The following RSPH14 variants were observed in gnomAD, a reference collection of about 807,000 sequenced individuals.
RSPH14 encodes rhabdoid tumor deletion region gene 1.
A neutral mutation model predicts 26.7 loss-of-function variants in RSPH14; 20 were observed. The ratio of observed to expected loss-of-function variants is 0.75; its 90% CI spans 0.53 to 1.09. The LOEUF (loss-of-function observed/expected upper bound fraction) is 1.09, where lower values mean the gene tolerates loss of function less well. Among genes scored for constraint, RSPH14 ranks in the 50% least tolerant of loss-of-function variants. The probability of loss-of-function intolerance (pLI) is 0.00; values close to 1 mark genes in which losing one functional copy is unlikely to be tolerated. For missense variants in RSPH14, 449 were observed against 457.2 expected (o/e 0.98, Z 0.16); for synonymous variants, 177 against 189.3 (o/e 0.93, Z 0.53).
the RSPH14 span, among the ~76,000 whole-genome samples, chr22:23,157,042 T>C: frequency 3.3e-5 from 5 of 152,122 alleles, no homozygotes; most frequent in Admixed American, 3.3e-4. Context: ...TAGAGAGCAT[T>C]TGCCTGGAAT....
At position 23,071,443 on chromosome 22, in the gene RSPH14, G is replaced by A. The variant is rs541606905; in HGVS notation, c.422-7310C>T. Among the ~76,000 whole-genome samples, 49 of 152,346 alleles carry A rather than the reference G, an allele frequency of 3.2e-4. No homozygotes were observed. The highest frequency in any genetic ancestry group is 2.9e-3 in the Admixed American group (45 of 15,314). ...GGTGGAGGGACCCGCCTGGTAGAGA[G>A]GTCTGTCTTGCTTGGGGAGACAGCT... On this transcript the variant is annotated intron_variant, in intron 4 of 6. Transcript: ENST00000216036. The surrounding 1 kb of genome is among the most constrained non-coding windows in gnomAD (Gnocchi z 4.1).
intron 1 of RSPH14, among the ~76,000 whole-genome samples, chr22:23,140,857 G>A (rs1368888621): frequency 6.6e-6 from 1 of 152,146 alleles, no homozygotes; most frequent in Non-Finnish European, 1.5e-5. Context: ...ATAAGGAGGG[G>A]GCTGGTATTA....
At chr22:23,172,081 A>G in the RSPH14 span, among the ~76,000 whole-genome samples, 1 of 152,224 alleles carries the variant, frequency 6.6e-6, no homozygotes, top group Non-Finnish European at 1.5e-5. Context: ...AATAAGACAT[A>G]CAAATGGAAT....
chr22:23,060,346 C>T (rs887698299), intron 6 of RSPH14, among the ~76,000 whole-genome samples: 3 of 152,030 alleles, frequency 2.0e-5, no homozygotes, highest in Non-Finnish European at 4.4e-5. Flanking sequence ...TGGCGGGCGC[C>T]TGTAGTCCCA....
At chr22:23,085,819 G>A (rs1283613193) in intron 4 of RSPH14, among the ~76,000 whole-genome samples, 1 of 152,214 alleles carries the variant, frequency 6.6e-6, no homozygotes, top group Non-Finnish European at 1.5e-5. Context: ...CCTAGGAGGT[G>A]GCCTAAGGCC....
At chr22:23,177,989 T>C in the RSPH14 span, among the ~76,000 whole-genome samples, 1 of 152,178 alleles carries the variant, frequency 6.6e-6, no homozygotes, top group Admixed American at 6.5e-5. Flanking sequence ...TTTGTAGAGA[T>C]GGAGTCTCAC....
At chr22:23,171,525 G>C in the RSPH14 span, among the ~76,000 whole-genome samples, 1 of 152,074 alleles carries the variant, frequency 6.6e-6, no homozygotes, top group African/African-American at 2.4e-5. Flanking sequence ...TCAGTCCATT[G>C]TATACATGTA....
At chr22:23,105,434 C>G (rs1270978168) in intron 4 of RSPH14, among the ~76,000 whole-genome samples, 2 of 152,382 alleles carry the variant, frequency 1.3e-5, no homozygotes, top group African/African-American at 4.8e-5. Context: ...TTTCTCATGT[C>G]CCTCCCAGGA....
intron 4 of RSPH14, among the ~76,000 whole-genome samples, chr22:23,112,489 G>T (rs2069683373): frequency 6.6e-6 from 1 of 152,134 alleles, no homozygotes; most frequent in African/African-American, 2.4e-5. Context: ...ACAACCAGGG[G>T]TATGACAGCC....
At chr22:23,066,172 TG>T (rs2068207572) in intron 4 of RSPH14, among the ~76,000 whole-genome samples, 1 of 152,138 alleles carries the variant, frequency 6.6e-6, no homozygotes, top group South Asian at 2.1e-4. Flanking sequence ...AGCAAAGACC[TG>T]GGGGTAAGGA....
intron 4 of RSPH14, among the ~76,000 whole-genome samples, chr22:23,117,002 C>T (rs776286568): frequency 2.0e-5 from 3 of 152,156 alleles, no homozygotes; most frequent in Non-Finnish European, 2.9e-5. Flanking sequence ...CTGGAATATG[C>T]GCGCACCTGC....
At chr22:23,153,251 C>T in the RSPH14 span, 2 of 783,010 alleles carry the variant, frequency 2.6e-6, no homozygotes, top group East Asian at 2.5e-5. Flanking sequence ...ACAAGCAGAG[C>T]CTGGGGGTGT....
At chr22:23,121,140 G>A (rs1475294087) in intron 4 of RSPH14, among the ~76,000 whole-genome samples, 6 of 152,212 alleles carry the variant, frequency 3.9e-5, no homozygotes, top group Non-Finnish European at 1.5e-5. Context: ...TGCTGGGGAT[G>A]AGATCTTGTG....
the RSPH14 span, chr22:23,158,093 G>T: frequency 8.1e-6 from 13 of 1,608,326 alleles, no homozygotes; most frequent in Non-Finnish European, 1.1e-5. Flanking sequence ...TCAGGAAGCT[G>T]CCTGGAAGGG....
At chr22:23,164,911 A>G in the RSPH14 span, among the ~76,000 whole-genome samples, 39 of 44,984 alleles carry the variant, frequency 8.7e-4, no homozygotes, top group African/African-American at 3.6e-3. Context: ...CCCCACCCCC[A>G]CAGGCCCCTG....
chr22:23,150,781 C>T, the RSPH14 span, among the ~76,000 whole-genome samples: 3 of 152,182 alleles, frequency 2.0e-5, no homozygotes, highest in Admixed American at 6.5e-5. Flanking sequence ...CAGGTCTCAG[C>T]GTGTCAAGTC....
At chr22:23,130,687 A>C in intron 4 of RSPH14, among the ~76,000 whole-genome samples, 1 of 152,152 alleles carries the variant, frequency 6.6e-6, no homozygotes, top group South Asian at 2.1e-4. Flanking sequence ...ACTCCTTCAA[A>C]TCAATAAGAA....
At chr22:23,086,985 T>C (rs919309048) in intron 4 of RSPH14, among the ~76,000 whole-genome samples, 2 of 152,178 alleles carry the variant, frequency 1.3e-5, no homozygotes, top group African/African-American at 4.8e-5. Context: ...TGGAAGCACA[T>C]GCGGCTCCGA....
intron 4 of RSPH14, chr22:23,123,321 A>T (rs1342383509): frequency 6.2e-7 from 1 of 1,613,972 alleles, no homozygotes; most frequent in Non-Finnish European, 8.5e-7. Context: ...GACCAAGGAG[A>T]TCTACTCCCA....
Sources: gnomAD v4.1 joint callset for allele counts (sites outside exome capture counted in the v4.1 genomes callset) on GRCh38, gnomAD v4.1.1 for gene constraint, Gnocchi (gnomAD v3.1) non-coding constraint, MANE v1.5 for transcripts, NCBI Gene and HGNC (gene_info 2026-07-23, HGNC 2026-07-21) for gene names.